The following TTLL5 variants were observed in gnomAD, a reference collection of about 807,000 sequenced individuals.
The protein encoded by TTLL5 is tubulin polyglutamylase TTLL5.
In TTLL5, 132 loss-of-function variants were observed where a neutral mutation model predicts 168.4. That is an observed-to-expected ratio of 0.78 (90% CI 0.68 to 0.91). The LOEUF is 0.91. Among genes scored for constraint, TTLL5 ranks in the 40% least tolerant of loss-of-function variants. TTLL5 has a pLI of 0.00. For synonymous variants in TTLL5, 546 were observed against 558.6 expected, an observed-to-expected ratio of 0.98 and a Z score of 0.32; for missense variants, 1,545 against 1,581.5, an observed-to-expected ratio of 0.98 and a Z score of 0.39.
In TTLL5 at chr14:75,877,383, T is replaced by C. The variant is rs76546749; in HGVS notation, c.3523-5302T>C. 4.1e-3 allele frequency among the ~76,000 whole-genome samples: 625 copies of C among 152,324 alleles called. 2 individuals are homozygous for C. Among genetic ancestry groups the C allele is most frequent in the East Asian group, 0.015 (76 of 5,190 alleles). On this transcript the variant is annotated intron_variant, in intron 29 of 31. Transcript: ENST00000298832. ...CTGGAACCTTCCAAGTTGCAGTCTG[T>C]GTTCTGTCTATCAGAAATTTTTCCT...
intron 31 of TTLL5, among the ~76,000 whole-genome samples, chr14:75,940,175 G>T (rs1428644792): frequency 7.0e-6 from 1 of 143,530 alleles, no homozygotes; most frequent in Non-Finnish European, 1.5e-5. Context: ...CGCCTCCCAG[G>T]TTCACACCAT....
chr14:75,951,904 A>C (rs1054442904), intron 31 of TTLL5, among the ~76,000 whole-genome samples: 1 of 152,244 alleles, frequency 6.6e-6, no homozygotes, highest in Non-Finnish European at 1.5e-5. Flanking sequence ...TGACATCAAA[A>C]GCATAAGCAA....
intron 18 of TTLL5, among the ~76,000 whole-genome samples, chr14:75,759,703 T>C (rs1890509842): frequency 6.6e-6 from 1 of 152,108 alleles, no homozygotes; most frequent in South Asian, 2.1e-4. Context: ...TCCCCAGTAT[T>C]GCAAGGTTGG....
chr14:75,703,975 CT>C (rs974424410), intron 7 of TTLL5, among the ~76,000 whole-genome samples: 1 of 152,146 alleles, frequency 6.6e-6, no homozygotes, highest in Non-Finnish European at 1.5e-5. Context: ...AGCTGTGGGA[CT>C]TTGTAATTAG....
chr14:75,709,330 C>G (rs189857123), intron 9 of TTLL5: 1 of 647,720 alleles, frequency 1.5e-6, no homozygotes. Context: ...TCACATGTAT[C>G]CTATGACTTG....
At chr14:75,753,507 G>T (rs1420298898) in intron 18 of TTLL5, among the ~76,000 whole-genome samples, 5 of 152,128 alleles carry the variant, frequency 3.3e-5, no homozygotes, top group African/African-American at 1.2e-4. Context: ...TAACTGCATT[G>T]CAGTACAGTT....
intron 31 of TTLL5, among the ~76,000 whole-genome samples, chr14:75,931,541 C>T (rs183659873): frequency 6.6e-6 from 1 of 152,122 alleles, no homozygotes; most frequent in Non-Finnish European, 1.5e-5. Flanking sequence ...ATCTCTTCAT[C>T]CTAAGTTGTA....
At chr14:75,850,598 G>A (rs181873781) in intron 28 of TTLL5, among the ~76,000 whole-genome samples, 3 of 152,130 alleles carry the variant, frequency 2.0e-5, no homozygotes, top group East Asian at 1.9e-4. Flanking sequence ...TAGAAGACAC[G>A]TGAATCCTGT....
At chr14:75,696,702 C>G (rs1255116103) in intron 6 of TTLL5, among the ~76,000 whole-genome samples, 5 of 152,136 alleles carry the variant, frequency 3.3e-5, no homozygotes, top group African/African-American at 1.2e-4. Flanking sequence ...TCCTCTTGTT[C>G]CTCAGTCATC....
intron 5 of TTLL5, chr14:75,684,887 G>A (rs1208110110): frequency 6.6e-6 from 1 of 152,124 alleles, no homozygotes; most frequent in Non-Finnish European, 1.5e-5. Flanking sequence ...CTTGAGTGGT[G>A]GCTACACAGT....
chr14:75,790,717 A>G (rs373657307), intron 26 of TTLL5, among the ~76,000 whole-genome samples: 3 of 151,664 alleles, frequency 2.0e-5, no homozygotes, highest in African/African-American at 7.3e-5. Flanking sequence ...CTCCTGCCTC[A>G]GCCTCCCAAA....
intron 29 of TTLL5, among the ~76,000 whole-genome samples, chr14:75,878,179 T>C (rs1306032123): frequency 6.6e-6 from 1 of 152,216 alleles, no homozygotes; most frequent in Non-Finnish European, 1.5e-5. Context: ...GAATCTGTGG[T>C]AGATTGAGAA....
rs563558192 is a variant in TTLL5, at chr14:75,687,255, A to G, written c.372-2937A>G. Among the ~76,000 whole-genome samples the G allele has an allele frequency of 2.6e-5, 4 of 152,306 alleles. No individual in the cohort carries two copies. The East Asian group carries it at 7.7e-4, about 29-fold the overall frequency. ...CAATAGAAGCACAGTCATAAAAGGA[A>G]AAAATTGATAAATTTGACCTTTTTG... On this transcript the variant is annotated intron_variant, in intron 5 of 31. Transcript: ENST00000298832.
At position 75,783,319 on chromosome 14, in the gene TTLL5, C is replaced by T; in HGVS notation, c.2775C>T (p.Ile925=). 4 of 1,614,174 alleles carry T rather than the reference C, an allele frequency of 2.5e-6. No individual in the cohort carries two copies. Among genetic ancestry groups the T allele is most frequent in the Non-Finnish European group, 3.4e-6 (4 of 1,180,034 alleles). ...HSSLSQIPSA[I]PSMPHQPTIL... is the part of the protein sequence containing the mutation. ...CTTTATCTCAAATTCCTTCAGCTATCCCCAGCATGCCTCACCAGCCAACAA... is the reference window on the plus strand; with the variant it reads ...CTTTATCTCAAATTCCTTCAGCTATTCCCAGCATGCCTCACCAGCCAACAA... Residue 925 remains isoleucine (I), a synonymous_variant, in exon 26 of 32, where the codon ATC becomes ATT. Transcript: ENST00000298832.
chr14:75,698,791 T>A (rs975665735), intron 6 of TTLL5, among the ~76,000 whole-genome samples: 1 of 151,088 alleles, frequency 6.6e-6, no homozygotes, highest in Admixed American at 6.6e-5. Context: ...TGTAGTCCCA[T>A]CAACTCAGAA....
At chr14:75,665,373 T>A (rs1338074581) in intron 2 of TTLL5, among the ~76,000 whole-genome samples, 1 of 152,204 alleles carries the variant, frequency 6.6e-6, no homozygotes, top group Admixed American at 6.5e-5. Context: ...TCGGGGGTAC[T>A]GGGAAGCAGC....
rs557734160 is a variant in TTLL5, at chr14:75,877,161, C to T, written c.3523-5524C>T. 3.3e-5 allele frequency among the ~76,000 whole-genome samples: 5 copies of T among 152,266 alleles called. No individual in the cohort carries two copies. The South Asian group carries it at 1.0e-3, about 32-fold the overall frequency. On this transcript the variant is annotated intron_variant, in intron 29 of 31. Coordinates refer to ENST00000298832, the MANE Select transcript of TTLL5 (RefSeq NM_015072.5). ...AGTAGCGTTTGCCTACTTTATCCCCCTTCATTCTCAAAAAATGAATTTACA... is the reference window on the plus strand; with the variant it reads ...AGTAGCGTTTGCCTACTTTATCCCCTTTCATTCTCAAAAAATGAATTTACA...
chr14:75,680,741 C>T (rs1199185386), intron 3 of TTLL5, among the ~76,000 whole-genome samples: 1 of 151,314 alleles, frequency 6.6e-6, no homozygotes, highest in African/African-American at 2.4e-5. Context: ...TCTCCTGCCT[C>T]AGCCTCCCGA....
chr14:75,737,479 C>G, intron 15 of TTLL5: 1 of 1,383,798 alleles, frequency 7.2e-7, no homozygotes. Flanking sequence ...TTATTTTTTC[C>G]TTTTTTATAT....
Sources: gnomAD v4.1 joint callset for allele counts (sites outside exome capture counted in the v4.1 genomes callset) on GRCh38, gnomAD v4.1.1 for gene constraint, MANE v1.5 for transcripts, NCBI Gene and HGNC (gene_info 2026-07-23, HGNC 2026-07-21) for gene names.